WWOX: variants seen among roughly 807,000 people sequenced by gnomAD.
WWOX encodes WW domain-containing oxidoreductase.
A neutral mutation model predicts 46.2 loss-of-function variants in WWOX; 69 were observed. That is an observed-to-expected ratio of 1.49 (90% CI 1.23 to 1.82). The LOEUF (loss-of-function observed/expected upper bound fraction) is 1.82, where lower values mean the gene tolerates loss of function less well. Ranked by LOEUF, WWOX falls within the 40% of genes most tolerant of loss-of-function variation. WWOX has a pLI of 0.00. For synonymous variants in WWOX, 359 were observed against 202.6 expected, an observed-to-expected ratio of 1.77 and a Z score of -6.56; for missense variants, 919 against 542.6, an observed-to-expected ratio of 1.69 and a Z score of -6.89.
intron 8 of WWOX, among the ~76,000 whole-genome samples, chr16:78,817,170 T>TTG (rs1296606676): frequency 1.6e-5 from 2 of 126,766 alleles, no homozygotes; most frequent in African/African-American, 6.0e-5. Context: ...ATTAGTGCTA[T>TTG]TCTTTTTTTT....
chr16:79,162,874 G>A (rs1170923358), intron 8 of WWOX, among the ~76,000 whole-genome samples: 1 of 152,160 alleles, frequency 6.6e-6, no homozygotes, highest in East Asian at 1.9e-4. Flanking sequence ...CCAAAGCAAA[G>A]GTGTTGCTCT....
intron 1 of WWOX, among the ~76,000 whole-genome samples, chr16:78,100,392 A>G (rs1040292353): frequency 3.9e-5 from 6 of 152,158 alleles, no homozygotes; most frequent in African/African-American, 1.2e-4. Context: ...GGCTGGGACT[A>G]CAAGCGTGCA....
At chr16:79,182,614 T>C (rs1364602778) in intron 8 of WWOX, among the ~76,000 whole-genome samples, 1 of 152,176 alleles carries the variant, frequency 6.6e-6, no homozygotes, top group Non-Finnish European at 1.5e-5. Context: ...AAGCCAAGAT[T>C]CTGGAGTCAG....
rs139763483 is a variant in WWOX at position 78,853,501 on chromosome 16, G to A, written c.1057-358107G>A. ...ATCAAAATCCAGAAATCCAGTTTCA[G>A]CAAACATTCCATAACCCGGTGTGCT... On this transcript the variant is annotated intron_variant, in intron 8 of 8. Transcript: ENST00000566780. 1.5e-3 allele frequency among the ~76,000 whole-genome samples: 226 copies of A among 152,250 alleles called. 2 individuals are homozygous for A. The highest frequency in any genetic ancestry group is 5.1e-3 in the African/African-American group (211 of 41,530).
intron 8 of WWOX, among the ~76,000 whole-genome samples, chr16:78,679,985 C>G (rs1162736082): frequency 1.3e-5 from 2 of 152,224 alleles, no homozygotes; most frequent in Non-Finnish European, 2.9e-5. Flanking sequence ...GACCCCAGCC[C>G]TACCACTAAC....
chr16:78,442,364 C>T (rs539005745), intron 8 of WWOX, among the ~76,000 whole-genome samples: 1 of 152,152 alleles, frequency 6.6e-6, no homozygotes, highest in South Asian at 2.1e-4. Context: ...CCATGCTGTA[C>T]AATAGATCTC....
chr16:78,880,794 C>T (rs573127724), intron 8 of WWOX, among the ~76,000 whole-genome samples: 1 of 152,246 alleles, frequency 6.6e-6, no homozygotes, highest in Admixed American at 6.5e-5. Flanking sequence ...AATGGAAAGA[C>T]AATGTGTTTT....
intron 8 of WWOX, among the ~76,000 whole-genome samples, chr16:79,174,517 C>T (rs931322451): frequency 2.0e-5 from 3 of 152,124 alleles, no homozygotes; most frequent in Non-Finnish European, 2.9e-5. Context: ...GGCGTGGTGG[C>T]GCATGCCTAT....
chr16:78,110,104 G>C (rs1413618215), intron 3 of WWOX, among the ~76,000 whole-genome samples: 2 of 151,788 alleles, frequency 1.3e-5, no homozygotes, highest in Non-Finnish European at 2.9e-5. Flanking sequence ...CACTTTGGGA[G>C]GTCGAAGTGG....
intron 8 of WWOX, among the ~76,000 whole-genome samples, chr16:79,082,190 C>G (rs2048773144): frequency 6.6e-6 from 1 of 152,194 alleles, no homozygotes; most frequent in African/African-American, 2.4e-5. Flanking sequence ...TGACACTCAC[C>G]TGAAACAAGA....
chr16:78,240,746 A>G (rs1464800587), intron 5 of WWOX, among the ~76,000 whole-genome samples: 1 of 152,210 alleles, frequency 6.6e-6, no homozygotes, highest in Non-Finnish European at 1.5e-5. Context: ...ATATTTCACA[A>G]GAACCTGCGA....
At chr16:78,532,916 C>T (rs2043657754) in intron 8 of WWOX, among the ~76,000 whole-genome samples, 1 of 152,162 alleles carries the variant, frequency 6.6e-6, no homozygotes, top group Non-Finnish European at 1.5e-5. Context: ...AAACTCTAAG[C>T]AGCCTTAAAG....
In WWOX at chr16:78,142,849, C is replaced by G. The variant is rs143787003; in HGVS notation, c.410-21334C>G. On this transcript the variant is annotated intron_variant, in intron 4 of 8. Coordinates refer to ENST00000566780, the MANE Select transcript of WWOX (RefSeq NM_016373.4). ...AGCTTAGTAATTTACTTAGAAACTGCCTTATTCAATATTCGATGTTAAATT... is the reference window on the plus strand; with the variant it reads ...AGCTTAGTAATTTACTTAGAAACTGGCTTATTCAATATTCGATGTTAAATT... Among the ~76,000 whole-genome samples, 75 of 152,286 alleles carry G rather than the reference C, an allele frequency of 4.9e-4. No individual in the cohort carries two copies. In the East Asian group the frequency reaches 0.014, roughly 29 times the overall value.
intron 8 of WWOX, among the ~76,000 whole-genome samples, chr16:79,050,651 G>T (rs1170668813): frequency 6.6e-6 from 1 of 152,130 alleles, no homozygotes; most frequent in Non-Finnish European, 1.5e-5. Context: ...AGCTGCTGAG[G>T]AATTTTAAGA....
At chr16:78,952,228 A>G (rs749462560) in intron 8 of WWOX, among the ~76,000 whole-genome samples, 2 of 151,782 alleles carry the variant, frequency 1.3e-5, no homozygotes, top group African/African-American at 2.4e-5. Flanking sequence ...CTTTGCCTCT[A>G]CTCAGTCTTT....
intron 5 of WWOX, among the ~76,000 whole-genome samples, chr16:78,348,664 C>T (rs1443296065): frequency 8.4e-6 from 1 of 119,350 alleles, no homozygotes; most frequent in Non-Finnish European, 2.0e-5. Context: ...CCCCATGTTG[C>T]CCAGGCTGGT....
chr16:78,972,606 A>G (rs976488304), intron 8 of WWOX, among the ~76,000 whole-genome samples: 1 of 152,168 alleles, frequency 6.6e-6, no homozygotes, highest in African/African-American at 2.4e-5. Context: ...TGAATGGCAC[A>G]TGTCATAAAG....
chr16:78,271,233 C>T (rs182282322), intron 5 of WWOX, among the ~76,000 whole-genome samples: 1 of 152,080 alleles, frequency 6.6e-6, no homozygotes, highest in African/African-American at 2.4e-5. Flanking sequence ...TGGTTTTTTT[C>T]GTCCACCTGA....
intron 8 of WWOX, among the ~76,000 whole-genome samples, chr16:78,582,245 TA>T (rs1194681467): frequency 1.3e-5 from 2 of 152,154 alleles, no homozygotes. Context: ...CAGGTGAAGG[TA>T]AAAATCAAGT....
Sources: gnomAD v4.1 joint callset for allele counts (sites outside exome capture counted in the v4.1 genomes callset) on GRCh38, gnomAD v4.1.1 for gene constraint, MANE v1.5 for transcripts, NCBI Gene and HGNC (gene_info 2026-07-23, HGNC 2026-07-21) for gene names.